MEGF9: variants seen among roughly 807,000 people sequenced by gnomAD.
MEGF9 encodes the protein multiple epidermal growth factor-like domains protein 9.
MEGF9 carries 6 observed loss-of-function variants against 46.8 expected under a neutral mutation model. The observed-to-expected ratio is 0.13, with a 90% CI of 0.07 to 0.25. The LOEUF (loss-of-function observed/expected upper bound fraction) is 0.25, where lower values mean the gene tolerates loss of function less well. Ranked by LOEUF, MEGF9 falls within the 10% of genes least tolerant of loss-of-function variation. The probability of loss-of-function intolerance (pLI) is 1.00; values close to 1 mark genes in which losing one functional copy is unlikely to be tolerated. For synonymous variants in MEGF9, 302 were observed against 330.7 expected (o/e 0.91, Z 0.94); for missense variants, 683 against 792.4 (o/e 0.86, Z 1.66).
chr9:120,694,342 T>C (rs1188976840), intron 1 of MEGF9, among the ~76,000 whole-genome samples: 5 of 152,226 alleles, frequency 3.3e-5, no homozygotes, highest in Non-Finnish European at 7.4e-5. Flanking sequence ...GTAACACTGC[T>C]TATCAACAGA....
intron 1 of MEGF9, among the ~76,000 whole-genome samples, chr9:120,704,655 A>G (rs749183096): frequency 1.3e-5 from 2 of 152,242 alleles, no homozygotes; most frequent in Admixed American, 6.5e-5. Flanking sequence ...ATATTCACCA[A>G]TAAAAGTACA....
chr9:120,707,449 A>G lies in MEGF9; in HGVS notation c.601+6309T>C, dbSNP rs181247675. Among the ~76,000 whole-genome samples the G allele has an allele frequency of 2.0e-4, 30 of 152,350 alleles. No individual in the cohort carries two copies. The East Asian group carries it at 5.0e-3, about 25-fold the overall frequency. On this transcript the variant is annotated intron_variant, in intron 1 of 5. Transcript: ENST00000373930. ...TAAAGATACGTGCAGTTTGCTGCAGATATCTTAATGTGTTTGATTACAGGA... is the reference window on the plus strand; with the variant it reads ...TAAAGATACGTGCAGTTTGCTGCAGGTATCTTAATGTGTTTGATTACAGGA...
chr9:120,639,020 A>T (rs2043590833), intron 2 of MEGF9, among the ~76,000 whole-genome samples: 1 of 152,192 alleles, frequency 6.6e-6, no homozygotes. Context: ...AAAATTCTTT[A>T]TATACTTCTG....
chr9:120,683,899 A>G (rs1392225202), intron 1 of MEGF9, among the ~76,000 whole-genome samples: 4 of 152,182 alleles, frequency 2.6e-5, no homozygotes, highest in Non-Finnish European at 5.9e-5. Flanking sequence ...TGCTTCAAAA[A>G]AAAACCCCAA....
chr9:120,609,732 T>C (rs2043437056), intron 4 of MEGF9, among the ~76,000 whole-genome samples: 1 of 152,178 alleles, frequency 6.6e-6, no homozygotes, highest in Admixed American at 6.5e-5. Flanking sequence ...ATAGATTAGT[T>C]CTTTCCTTAG....
chr9:120,699,320 C>CTCAA (rs1048109844), intron 1 of MEGF9, among the ~76,000 whole-genome samples: 1 of 151,978 alleles, frequency 6.6e-6, no homozygotes, highest in Non-Finnish European at 1.5e-5. Context: ...AAATATTAAA[C>CTCAA]TCAATCAGTG....
chr9:120,681,731 A>G (rs888902178), intron 1 of MEGF9, among the ~76,000 whole-genome samples: 8 of 152,180 alleles, frequency 5.3e-5, no homozygotes, highest in African/African-American at 1.9e-4. Context: ...GTTGGTAACT[A>G]TTCTTCAATT....
At position 120,604,019 on chromosome 9, in the gene MEGF9, T is replaced by A. The variant is rs2043408773; in HGVS notation, c.*1171A>T. 6.5e-6 allele frequency: 1 copy of A among 152,680 alleles called. No homozygotes were observed. Among genetic ancestry groups the A allele is most frequent in the Admixed American group, 6.5e-5 (1 of 15,286 alleles). 9.5% of individuals were successfully genotyped at this position (152,680 alleles called of 1,614,324 possible). A position where few individuals can be genotyped will look rare whatever the true frequency, so the allele number is the denominator to read the frequency against. ...CTATCTTTTACATTCAAGAAAAACA[T>A]TTTTTAATGAGGATATGTTTTATAT... On this transcript the variant is annotated 3_prime_UTR_variant, in exon 6 of 6. Transcript: ENST00000373930.
chr9:120,688,556 T>C (rs2043834618), intron 1 of MEGF9, among the ~76,000 whole-genome samples: 1 of 152,212 alleles, frequency 6.6e-6, no homozygotes, highest in Non-Finnish European at 1.5e-5. Flanking sequence ...TCATGGACCT[T>C]ACATCTTAGA....
chr9:120,703,372 T>A (rs770607007), intron 1 of MEGF9, among the ~76,000 whole-genome samples: 7 of 152,226 alleles, frequency 4.6e-5, no homozygotes, highest in African/African-American at 7.2e-5. Context: ...CCTGCCCTCA[T>A]GGAGTCTGTA....
Position 120,695,603 on chromosome 9 carries a change from C to CAAAAAAAAAAAAAAAAAA in MEGF9, c.601+18137_601+18154dup, listed in dbSNP as rs370281228. Reference sequence around the variant, plus strand: ...TGGGTGACAGTGTGAGACCCCATCTCAAAAAAAAAAAAAAAAAAAAAAAAA... The same window carrying CAAAAAAAAAAAAAAAAAA: ...TGGGTGACAGTGTGAGACCCCATCTCAAAAAAAAAAAAAAAAAAAAAAAAAAAAAAAAAAAAAAAAAAA... On this transcript the variant is annotated intron_variant, in intron 1 of 5. Transcript: ENST00000373930. 3.2e-4 allele frequency among the ~76,000 whole-genome samples: 6 copies of CAAAAAAAAAAAAAAAAAA among 18,688 alleles called. 1 individual carries two copies. The highest frequency in any genetic ancestry group is 7.3e-4 in the African/African-American group (6 of 8,268). 12.3% of individuals were successfully genotyped at this position (18,688 alleles called of 152,430 possible). A position where few individuals can be genotyped will look rare whatever the true frequency, so the allele number is the denominator to read the frequency against.
Position 120,709,974 on chromosome 9 carries a change from G to A in MEGF9, c.601+3784C>T, listed in dbSNP as rs190572838. 2.1e-3 allele frequency among the ~76,000 whole-genome samples: 311 copies of A among 149,842 alleles called. 1 individual carries two copies. The highest frequency in any genetic ancestry group is 7.2e-3 in the African/African-American group (291 of 40,574). On this transcript the variant is annotated intron_variant, in intron 1 of 5. Coordinates refer to ENST00000373930, the MANE Select transcript of MEGF9 (RefSeq NM_001080497.3). The stretch of plus-strand genomic sequence containing the variant: ...TGAGGCAAGAGAATCGCTTGAACCC[G>A]GAGGTGGAGGTTGCAGTGAGCCAAT...
rs61638928 is a variant in MEGF9, at chr9:120,639,508, T to TAAA, written c.804-16756_804-16754dup. Among the ~76,000 whole-genome samples the TAAA allele has an allele frequency of 4.2e-3, 444 of 105,164 alleles. 5 individuals carry two copies. Among genetic ancestry groups the TAAA allele is most frequent in the African/African-American group, 0.016 (426 of 25,922 alleles). The allele number at this position is 105,164 out of a possible 152,430, so 69.0% of individuals were successfully genotyped here. ...GGGTGACAGAGTGAGACTCCGTCTT[T>TAAA]AAAAAAAAAAAAAAAAAAAAAAAAA... On this transcript the variant is annotated intron_variant, in intron 2 of 5. Coordinates refer to ENST00000373930, the MANE Select transcript of MEGF9 (RefSeq NM_001080497.3).
intron 2 of MEGF9, among the ~76,000 whole-genome samples, chr9:120,629,578 T>C (rs1464467024): frequency 1.3e-5 from 2 of 151,896 alleles, no homozygotes; most frequent in Non-Finnish European, 2.9e-5. Flanking sequence ...GCGGAGGTTG[T>C]TGCAGTGAGG....
chr9:120,625,480 G>A (rs1357943467), intron 2 of MEGF9, among the ~76,000 whole-genome samples: 3 of 152,060 alleles, frequency 2.0e-5, no homozygotes, highest in Non-Finnish European at 2.9e-5. Flanking sequence ...CCATGATCGG[G>A]CCTGTGAATA....
At chr9:120,645,631 A>C (rs751467002) in intron 2 of MEGF9, among the ~76,000 whole-genome samples, 3 of 152,238 alleles carry the variant, frequency 2.0e-5, no homozygotes, top group Non-Finnish European at 4.4e-5. Flanking sequence ...AGGAGAGAGT[A>C]CTTGACTTTA....
chr9:120,711,668 C>T (rs2043953496), intron 1 of MEGF9, among the ~76,000 whole-genome samples: 1 of 152,130 alleles, frequency 6.6e-6, no homozygotes, highest in African/African-American at 2.4e-5. Context: ...ATGAATTACA[C>T]AGATTTATTT....
At chr9:120,700,283 C>T (rs949665615) in intron 1 of MEGF9, among the ~76,000 whole-genome samples, 10 of 152,192 alleles carry the variant, frequency 6.6e-5, no homozygotes, top group Non-Finnish European at 1.3e-4. Context: ...GACCATCCAG[C>T]CCTGCCTTTG....
chr9:120,684,712 G>A (rs1210923060), intron 1 of MEGF9, among the ~76,000 whole-genome samples: 2 of 152,090 alleles, frequency 1.3e-5, no homozygotes, highest in South Asian at 2.1e-4. Context: ...TCTTGCACAC[G>A]CCATTAGTGG....
Sources: gnomAD v4.1 joint callset for allele counts (sites outside exome capture counted in the v4.1 genomes callset) on GRCh38, gnomAD v4.1.1 for gene constraint, MANE v1.5 for transcripts, NCBI Gene and HGNC (gene_info 2026-07-23, HGNC 2026-07-21) for gene names.